PPL: variants seen among roughly 807,000 people sequenced by gnomAD.
The protein encoded by PPL is periplakin.
In PPL, 198 loss-of-function variants were observed where a neutral mutation model predicts 194.4. The ratio of observed to expected loss-of-function variants is 1.02; its 90% confidence interval spans 0.91 to 1.15. The LOEUF is 1.15. Ranked by LOEUF, PPL falls within the 50% of genes most tolerant of loss-of-function variation. The pLI is 0.00. For missense variants in PPL, 2,885 were observed against 2,294.8 expected (o/e 1.26, Z -5.25); for synonymous variants, 1,220 against 972.4 (o/e 1.25, Z -4.74).
At chr16:4,906,805 C>T (rs1423613511) in intron 2 of PPL, among the ~76,000 whole-genome samples, 2 of 152,154 alleles carry the variant, frequency 1.3e-5, no homozygotes, top group South Asian at 2.1e-4. Flanking sequence ...GGAGATGGCC[C>T]GGGAGCTTTC....
chr16:4,900,628 G>T lies in PPL; in HGVS notation c.606+202C>A, dbSNP rs991300317. On this transcript the variant is annotated intron_variant, in intron 6 of 21. Transcript: ENST00000345988. ...AATTTTTAAATGTTTTGTAGAGCTG[G>T]AGTCTCACTATGTTGCCCAGGTTGG... Among the ~76,000 whole-genome samples, 3 of 151,702 alleles carry T rather than the reference G, an allele frequency of 2.0e-5. No homozygotes were observed. In the East Asian group the frequency reaches 5.8e-4, roughly 29 times the overall value.
At chr16:4,890,986 C>G (rs1232117609) in intron 16 of PPL, 65 bp from the exon 17 acceptor site, 1 of 1,380,360 alleles carries the variant, frequency 7.2e-7, no homozygotes, top group African/African-American at 1.5e-5. Flanking sequence ...GCGATGACAC[C>G]CACTGAAGCC....
intron 8 of PPL, among the ~76,000 whole-genome samples, chr16:4,898,201 G>C (rs961322355): frequency 5.9e-5 from 9 of 152,212 alleles, no homozygotes; most frequent in African/African-American, 1.7e-4. Flanking sequence ...CACATGATGA[G>C]ACCCTGTCTC....
chr16:4,891,999 C>G, intron 15 of PPL, 36 bp downstream of exon 15: 1 of 1,610,932 alleles, frequency 6.2e-7, no homozygotes, highest in Non-Finnish European at 8.5e-7. Flanking sequence ...CCCCCTGACC[C>G]CACCCCAACC....
At chr16:4,917,383 G>A (rs1238193466) in intron 1 of PPL, among the ~76,000 whole-genome samples, 1 of 152,158 alleles carries the variant, frequency 6.6e-6, no homozygotes, top group Non-Finnish European at 1.5e-5. Flanking sequence ...AGAATGTTAT[G>A]CTCAGTGAGA....
intron 1 of PPL, among the ~76,000 whole-genome samples, chr16:4,923,491 C>T (rs1596584851): frequency 3.9e-5 from 6 of 152,302 alleles, no homozygotes; most frequent in South Asian, 2.1e-4. Context: ...CAGCCATCAG[C>T]GACCTGGAAG....
chr16:4,898,838 G>A (rs904834161), intron 8 of PPL, among the ~76,000 whole-genome samples, 175 bp downstream of exon 8: 17 of 152,352 alleles, frequency 1.1e-4, no homozygotes, highest in African/African-American at 4.1e-4. Flanking sequence ...AGTGTCAACG[G>A]ATCAGGATAA....
chr16:4,921,705 G>A (rs2089054194), intron 1 of PPL, among the ~76,000 whole-genome samples: 1 of 152,160 alleles, frequency 6.6e-6, no homozygotes, highest in African/African-American at 2.4e-5. Context: ...GGCCTCAAGT[G>A]ATCTGCCCGC....
At chr16:4,909,600 T>C (rs1471241536) in intron 2 of PPL, among the ~76,000 whole-genome samples, 1 of 152,038 alleles carries the variant, frequency 6.6e-6, no homozygotes, top group Non-Finnish European at 1.5e-5. Context: ...CTAATTGTTG[T>C]ATTTTTAGTA....
chr16:4,891,741 G>A (rs1416632994), intron 16 of PPL, 70 bp downstream of exon 16: 62 of 1,522,960 alleles, frequency 4.1e-5, no homozygotes, highest in Non-Finnish European at 5.2e-5. Flanking sequence ...TATCCAGACG[G>A]GCGGGTGGAT....
At chr16:4,896,435 G>C (rs549036925) in intron 9 of PPL, among the ~76,000 whole-genome samples, 6 of 152,246 alleles carry the variant, frequency 3.9e-5, no homozygotes, top group Non-Finnish European at 8.8e-5. Context: ...GCTACAACAC[G>C]GATGAACCCG....
At chr16:4,920,247 G>A (rs1451919522) in intron 1 of PPL, among the ~76,000 whole-genome samples, 1 of 151,124 alleles carries the variant, frequency 6.6e-6, no homozygotes, top group South Asian at 2.1e-4. Flanking sequence ...TTGAGTCACT[G>A]CACTCCAGTC....
At chr16:4,932,432 C>G (rs1445242963) in intron 1 of PPL, among the ~76,000 whole-genome samples, 1 of 148,468 alleles carries the variant, frequency 6.7e-6, no homozygotes, top group Non-Finnish European at 1.5e-5. Flanking sequence ...TTTTTTGAGA[C>G]GGAGTCTCGC....
rs1007200599 is a variant in PPL, at chr16:4,883,241, G to A, written c.*143C>T. On this transcript the variant is annotated 3_prime_UTR_variant, in exon 22 of 22. Transcript: ENST00000345988. The surrounding 1 kb of genome is among the most constrained non-coding windows in gnomAD (Gnocchi z 4.8). Reference sequence around the variant, plus strand: ...GCCAGTGCCTGTCTCATATGTGGGCGGGACTCTGAGCAGCCTGGCAGCGAG... The same window carrying A: ...GCCAGTGCCTGTCTCATATGTGGGCAGGACTCTGAGCAGCCTGGCAGCGAG... The A allele has an allele frequency of 3.6e-6, 4 of 1,110,720 alleles. No individual in the cohort carries two copies. The highest frequency in any genetic ancestry group is 1.6e-5 in the African/African-American group (1 of 63,782). 68.8% of individuals were successfully genotyped at this position (1,110,720 alleles called of 1,614,324 possible). A position where few individuals can be genotyped will look rare whatever the true frequency, so the allele number is the denominator to read the frequency against.
In PPL at chr16:4,885,356, C is replaced by T; in HGVS notation, c.3299G>A (p.Arg1100Lys). 1 of 1,612,982 alleles carries T rather than the reference C, an allele frequency of 6.2e-7. No individual in the cohort carries two copies. The highest frequency in any genetic ancestry group is 2.2e-5 in the East Asian group (1 of 44,848). Reference sequence around the variant, plus strand: ...GGCCATGGCCCGCTCCTTCTCTAGCCTCTTGAGCTTGTCCTGGAGGAAGCT... The same window carrying T: ...GGCCATGGCCCGCTCCTTCTCTAGCTTCTTGAGCTTGTCCTGGAGGAAGCT... ...ELSFLQDKLK[R>K]LEKERAMAEG... The change falls in exon 22 of 22, where the codon AGG becomes AAG. Residue 1100 changes from arginine (R) to lysine (K), a missense_variant. By Grantham distance (26) the Arg-to-Lys change is conservative (BLOSUM62 2). Coordinates refer to ENST00000345988, the MANE Select transcript of PPL (RefSeq NM_002705.5). The surrounding 1 kb of genome is among the most constrained non-coding windows in gnomAD (Gnocchi z 6.3).
rs1420313465 is a variant in PPL, at chr16:4,891,910, C to T, written c.1869G>A (p.Gln623=). The stretch of plus-strand genomic sequence containing the variant: ...CGTGTGTGGCCAGCAACTCCCAGCT[C>T]TGCTGCAGGCTCTTCTCCAGGCGGT... The part of the protein sequence containing the change: ...VANRLEKSLQ[Q]SWELLATHEN... Residue 623 remains glutamine (Q), a synonymous_variant, in exon 16 of 22, where the codon CAG becomes CAA. Coordinates refer to ENST00000345988, the MANE Select transcript of PPL (RefSeq NM_002705.5). The T allele has an allele frequency of 3.7e-6, 6 of 1,613,478 alleles. No individual in the cohort carries two copies. The highest frequency in any genetic ancestry group is 5.1e-6 in the Non-Finnish European group (6 of 1,180,020).
intron 1 of PPL, among the ~76,000 whole-genome samples, chr16:4,930,677 T>C (rs1568066090): frequency 6.6e-6 from 1 of 152,060 alleles, no homozygotes; most frequent in Non-Finnish European, 1.5e-5. Flanking sequence ...AATAGGTGGA[T>C]CTACCCCAGC....
intron 1 of PPL, among the ~76,000 whole-genome samples, chr16:4,923,657 TTG>T (rs2089098625): frequency 6.6e-6 from 1 of 151,284 alleles, no homozygotes; most frequent in South Asian, 2.1e-4. Context: ...GTAGCCTGTG[TTG>T]TGGCTCTAAC....
At position 4,901,108 on chromosome 16, in the gene PPL, A is replaced by G; in HGVS notation, c.439-19T>C. On this transcript the variant is annotated intron_variant, in intron 4 of 21. Coordinates refer to ENST00000345988, the MANE Select transcript of PPL (RefSeq NM_002705.5). The stretch of plus-strand genomic sequence containing the variant: ...GCTTGTCCTGGCCAGGAGGGCAGAG[A>G]AGCAATAAGGAGAGGGTGGGCTGAG... 1 of 1,613,534 alleles carries G rather than the reference A, an allele frequency of 6.2e-7. No homozygotes were observed. Among genetic ancestry groups the G allele is most frequent in the Non-Finnish European group, 8.5e-7 (1 of 1,179,744 alleles).
Sources: allele counts gnomAD v4.1 joint callset (sites outside exome capture counted in the v4.1 genomes callset), GRCh38; gene constraint gnomAD v4.1.1; non-coding constraint Gnocchi (gnomAD v3.1); transcripts MANE v1.5; gene names NCBI Gene and HGNC (gene_info 2026-07-23, HGNC 2026-07-21).